LRCH2: variants seen among roughly 807,000 people sequenced by gnomAD.
The protein encoded by LRCH2 is leucine-rich repeat and calponin homology domain-containing protein 2.
Under a neutral mutation model 68.9 loss-of-function variants are expected in LRCH2, and 38 were observed. The observed-to-expected ratio is 0.55, with a 90% confidence interval of 0.43 to 0.72. LRCH2 has a LOEUF of 0.72. Among genes scored for constraint, LRCH2 ranks in the 30% least tolerant of loss-of-function variants. LRCH2 has a pLI of 0.00. For missense variants in LRCH2, 528 were observed against 572.9 expected (o/e 0.92, Z 0.80); for synonymous variants, 191 against 208.1 (o/e 0.92, Z 0.71).
intron 1 of LRCH2, among the ~76,000 whole-genome samples, chrX:115,221,222 T>A (rs1556573745): frequency 1.5e-4 from 11 of 71,483 alleles, no homozygotes; most frequent in African/African-American, 5.8e-4. Context: ...TATATATATA[T>A]ATATATATAT....
At chrX:115,193,139 GCAA>G (rs1170117298) in intron 1 of LRCH2, among the ~76,000 whole-genome samples, 2 of 109,970 alleles carry the variant, frequency 1.8e-5, no homozygotes, top group South Asian at 3.9e-4. Context: ...CAAACAACCA[GCAA>G]CAACAACAAC....
intron 5 of LRCH2, among the ~76,000 whole-genome samples, chrX:115,173,664 C>A (rs1404631042): frequency 1.8e-5 from 2 of 111,558 alleles, no homozygotes; most frequent in African/African-American, 6.5e-5. Flanking sequence ...TGACTGAACT[C>A]CCAAATTTAA....
chrX:115,112,243 CTT>C lies in LRCH2; in HGVS notation c.*971_*972del, dbSNP rs1324220869. Reference sequence around the variant, plus strand: ...CTCAAAGGGAAGATATAAACCCAAACTTTGGCAGTTTTATCAAAATGTCCTTG... The same window carrying C: ...CTCAAAGGGAAGATATAAACCCAAACTGGCAGTTTTATCAAAATGTCCTTG... On this transcript the variant is annotated 3_prime_UTR_variant, in exon 21 of 21. Coordinates refer to ENST00000317135, the MANE Select transcript of LRCH2 (RefSeq NM_020871.4). 8.9e-6 allele frequency: 1 copy of C among 111,755 alleles called. No homozygotes were observed. Among genetic ancestry groups the C allele is most frequent in the African/African-American group, 3.2e-5 (1 of 30,852 alleles). 9.2% of individuals were successfully genotyped at this position (111,755 alleles called of 1,213,427 possible).
chrX:115,159,602 T>G (rs1011105742), intron 11 of LRCH2, among the ~76,000 whole-genome samples: 3 of 109,177 alleles, frequency 2.7e-5, no homozygotes, highest in African/African-American at 1.0e-4. Context: ...ATACAAACAA[T>G]TAGTCGGGCG....
chrX:115,229,226 G>A (rs782131025), intron 1 of LRCH2, among the ~76,000 whole-genome samples: 7 of 111,389 alleles, frequency 6.3e-5, no homozygotes, highest in Non-Finnish European at 7.5e-5. Context: ...TTTAATAACT[G>A]CTTTTTTATA....
At position 115,179,565 on chromosome X, in the gene LRCH2, T is replaced by C; in HGVS notation, c.728-2A>G. 9 of 1,116,182 alleles carry C rather than the reference T, an allele frequency of 8.1e-6. No homozygotes were observed. Among genetic ancestry groups the C allele is most frequent in the Non-Finnish European group, 1.1e-5 (9 of 851,446 alleles). The allele number at this position is 1,116,182 out of a possible 1,213,427, so 92.0% of individuals were successfully genotyped here. A position where few individuals can be genotyped will look rare whatever the true frequency, so the allele number is the denominator to read the frequency against. The stretch of plus-strand genomic sequence containing the variant: ...TGACTAAGGGAAGGTCTCCTAATTC[T>C]GGTCAGAAATGAAAAATAATTAATT... On this transcript the variant is annotated splice_acceptor_variant, in intron 4 of 20. Coordinates refer to ENST00000317135, the MANE Select transcript of LRCH2 (RefSeq NM_020871.4). LOFTEE classifies it high-confidence loss of function.
chrX:115,137,957 A>T (rs1301392657), intron 14 of LRCH2, among the ~76,000 whole-genome samples: 1 of 111,061 alleles, frequency 9.0e-6, no homozygotes, highest in African/African-American at 3.3e-5. Flanking sequence ...TCAAGAGAAA[A>T]AAAAAAGAAA....
intron 5 of LRCH2, 146 bp from the exon 6 acceptor site, chrX:115,170,578 C>CAACACTGAT (rs782067715): frequency 1.8e-6 from 1 of 555,846 alleles, no homozygotes; most frequent in South Asian, 7.7e-5. Context: ...GTACTTCTGA[C>CAACACTGAT]ACCAGGTGGA....
At position 115,190,175 on chromosome X, in the gene LRCH2, C is replaced by T. The variant is rs782514829; in HGVS notation, c.350-1805G>A. ...CCGCGGGTCCGGGAGCCACTGCCCC[C>T]GTGCCGCGACCCTGGGGATTTTGTC... is the stretch of plus-strand genomic sequence containing the variant. On this transcript the variant is annotated intron_variant, in intron 1 of 20. Coordinates refer to ENST00000317135, the MANE Select transcript of LRCH2 (RefSeq NM_020871.4). The T allele has an allele frequency of 2.7e-5, 31 of 1,165,050 alleles. No individual in the cohort carries two copies. In the East Asian group the frequency reaches 5.9e-4, roughly 22 times the overall value.
chrX:115,191,961 G>A, intron 1 of LRCH2: 1 of 1,166,009 alleles, frequency 8.6e-7, no homozygotes, highest in Middle Eastern at 2.3e-4. Flanking sequence ...CCTACAGTGG[G>A]GGCCGTGACA....
chrX:115,190,640 A>C, intron 1 of LRCH2: 16 of 1,157,677 alleles, frequency 1.4e-5, no homozygotes, highest in Non-Finnish European at 1.8e-5. Flanking sequence ...CCCGACGCCC[A>C]CAGCGGGGGC....
intron 14 of LRCH2, among the ~76,000 whole-genome samples, chrX:115,130,506 T>C (rs1289713376): frequency 3.6e-5 from 4 of 111,637 alleles, no homozygotes; most frequent in African/African-American, 1.3e-4. Flanking sequence ...TTTTTCTTAA[T>C]TCACTATATC....
rs192199569 is a variant in LRCH2 at position 115,216,453 on chromosome X, G to A, written c.349+17240C>T. Reference sequence around the variant, plus strand: ...CCGCTTTTGTTGTATGCATACAAATGGCCAAGAAGCATATGAAAAAATGAA... The same window carrying A: ...CCGCTTTTGTTGTATGCATACAAATAGCCAAGAAGCATATGAAAAAATGAA... On this transcript the variant is annotated intron_variant, in intron 1 of 20. Coordinates refer to ENST00000317135, the MANE Select transcript of LRCH2 (RefSeq NM_020871.4). Among the ~76,000 whole-genome samples, 61 of 111,797 alleles carry A rather than the reference G, an allele frequency of 5.5e-4. No individual in the cohort carries two copies. The East Asian group carries it at 0.016, about 29-fold the overall frequency.
At chrX:115,161,183 T>C (rs1399582576) in intron 11 of LRCH2, among the ~76,000 whole-genome samples, 1 of 110,995 alleles carries the variant, frequency 9.0e-6, no homozygotes, top group Non-Finnish European at 1.9e-5. Flanking sequence ...CGAAACCCCG[T>C]CTCTACTAAA....
Position 115,179,412 on chromosome X carries a change from A to G in LRCH2, c.864+15T>C, listed in dbSNP as rs371759814. 9.4e-6 allele frequency: 10 copies of G among 1,066,494 alleles called. No individual in the cohort carries two copies. The highest frequency in any genetic ancestry group is 1.9e-5 in the African/African-American group (1 of 52,092). 87.9% of individuals were successfully genotyped at this position (1,066,494 alleles called of 1,213,427 possible). The stretch of plus-strand genomic sequence containing the variant: ...TAAAAATGAGAAGAAACATTATAAT[A>G]TTTTTATTACAAACCTGTGCTGGTG... On this transcript the variant is annotated intron_variant, in intron 5 of 20. Coordinates refer to ENST00000317135, the MANE Select transcript of LRCH2 (RefSeq NM_020871.4).
intron 14 of LRCH2, among the ~76,000 whole-genome samples, chrX:115,136,014 T>A (rs2072287093): frequency 8.9e-6 from 1 of 112,458 alleles, no homozygotes; most frequent in South Asian, 3.6e-4. Context: ...TTGATATATA[T>A]TCATGTGACT....
intron 11 of LRCH2, among the ~76,000 whole-genome samples, chrX:115,161,935 T>G (rs112171483): frequency 9.9e-6 from 1 of 101,102 alleles, no homozygotes; most frequent in African/African-American, 3.6e-5. Flanking sequence ...TGTCGGTTTT[T>G]TTTTTTTTTT....
At chrX:115,197,693 A>C (rs1450556289) in intron 1 of LRCH2, among the ~76,000 whole-genome samples, 3 of 108,994 alleles carry the variant, frequency 2.8e-5, no homozygotes, top group Non-Finnish European at 5.7e-5. Flanking sequence ...TTGAGGTCAT[A>C]CTGAGCTATG....
At chrX:115,186,124 G>A (rs1238040946) in intron 2 of LRCH2, among the ~76,000 whole-genome samples, 1 of 111,501 alleles carries the variant, frequency 9.0e-6, no homozygotes, top group Non-Finnish European at 1.9e-5. Context: ...CTTTTGAGAG[G>A]CCGAGGCGGG....
Sources: gnomAD v4.1 joint callset for allele counts (sites outside exome capture counted in the v4.1 genomes callset) on GRCh38, gnomAD v4.1.1 for gene constraint, MANE v1.5 for transcripts, NCBI Gene and HGNC (gene_info 2026-07-23, HGNC 2026-07-21) for gene names.